Variants in CNOT1 observed in about 807,000 individuals in gnomAD.
The protein encoded by CNOT1 is CCR4-NOT transcription complex subunit 1, also known as CCR4-associated factor 1.
Under a neutral mutation model 273.8 loss-of-function variants are expected in CNOT1, and 15 were observed. The ratio of observed to expected loss-of-function variants is 0.05; its 90% CI spans 0.04 to 0.08. The LOEUF (loss-of-function observed/expected upper bound fraction) is 0.08, where lower values mean the gene tolerates loss of function less well. Ranked by LOEUF, CNOT1 falls within the 10% of genes least tolerant of loss-of-function variation. The probability of loss-of-function intolerance (pLI) is 1.00; values close to 1 mark genes in which losing one functional copy is unlikely to be tolerated. For synonymous variants in CNOT1, 1,022 were observed against 1,005.5 expected (o/e 1.02, Z -0.31); for missense variants, 1,644 against 2,912.2 (o/e 0.56, Z 10.02).
rs1255969268 is a variant in CNOT1 at position 58,599,376 on chromosome 16, A to G, written c.-39T>C. On this transcript the variant is annotated 5_prime_UTR_variant, in exon 2 of 49. Coordinates refer to ENST00000317147, the MANE Select transcript of CNOT1 (RefSeq NM_016284.5). ...GGAAGCAGGCGGCCGAGCCCGGCGC[A>G]AAATCACCATTATTCCCCTTTAGTC... 1 of 1,613,620 alleles carries G rather than the reference A, an allele frequency of 6.2e-7. No individual in the cohort carries two copies. Among genetic ancestry groups the G allele is most frequent in the Admixed American group, 1.7e-5 (1 of 59,988 alleles).
chr16:58,573,566 T>TGC (rs776109030), intron 16 of CNOT1, among the ~76,000 whole-genome samples: 51 of 149,402 alleles, frequency 3.4e-4, no homozygotes, highest in Non-Finnish European at 6.8e-4. Context: ...CTACAAGCTC[T>TGC]GCCTCCTGGG....
chr16:58,593,610 T>C (rs991033652), intron 2 of CNOT1, among the ~76,000 whole-genome samples: 1 of 150,432 alleles, frequency 6.6e-6, no homozygotes, highest in African/African-American at 2.4e-5. Flanking sequence ...AGCACATGCC[T>C]GTAGTCCTAA....
In CNOT1 at chr16:58,537,872, C is replaced by CA; in HGVS notation, c.5414+18dup. 6.2e-7 allele frequency: 1 copy of CA among 1,612,856 alleles called. No individual in the cohort carries two copies. The highest frequency in any genetic ancestry group is 8.5e-7 in the Non-Finnish European group (1 of 1,178,862). On this transcript the variant is annotated intron_variant, in intron 38 of 48. Coordinates refer to ENST00000317147, the MANE Select transcript of CNOT1 (RefSeq NM_016284.5). ...AAGACTACTAAATGCACAGGGATCTCAAAGCATTTCATCCTCACCCTTCTG... is the reference window on the plus strand; with the variant it reads ...AAGACTACTAAATGCACAGGGATCTCAAAAGCATTTCATCCTCACCCTTCTG...
intron 1 of CNOT1, among the ~76,000 whole-genome samples, chr16:58,605,807 C>T (rs144428605): frequency 6.6e-6 from 1 of 152,086 alleles, no homozygotes; most frequent in South Asian, 2.1e-4. Context: ...TACAAGCGCC[C>T]GCTGCCACAC....
chr16:58,529,367 G>A (rs1161952493), intron 43 of CNOT1, among the ~76,000 whole-genome samples: 1 of 152,140 alleles, frequency 6.6e-6, no homozygotes, highest in Non-Finnish European at 1.5e-5. Context: ...GAGTAAAAGG[G>A]CAAGCTGTGA....
At chr16:58,540,463 C>A (rs2040058686) in intron 34 of CNOT1, among the ~76,000 whole-genome samples, 2 of 152,160 alleles carry the variant, frequency 1.3e-5, no homozygotes, top group African/African-American at 4.8e-5. Context: ...CAAATCAAGT[C>A]ATTTAGAAAA....
chr16:58,564,547 A>G (rs2040972920), intron 16 of CNOT1, among the ~76,000 whole-genome samples: 2 of 152,244 alleles, frequency 1.3e-5, no homozygotes, highest in African/African-American at 2.4e-5. Context: ...CCAATGAGAC[A>G]CATCATTTCA....
intron 1 of CNOT1, among the ~76,000 whole-genome samples, chr16:58,621,134 G>A (rs1358628722): frequency 6.6e-6 from 1 of 151,820 alleles, no homozygotes; most frequent in East Asian, 1.9e-4. Flanking sequence ...CTCAAGTTTT[G>A]TATTTTTAGC....
intron 1 of CNOT1, among the ~76,000 whole-genome samples, chr16:58,617,033 A>G (rs573405609): frequency 1.3e-5 from 2 of 152,238 alleles, no homozygotes; most frequent in Non-Finnish European, 2.9e-5. Flanking sequence ...CAGAAGAGTT[A>G]CTGGCATTCA....
At chr16:58,582,284 T>A (rs1199904506) in intron 10 of CNOT1, among the ~76,000 whole-genome samples, 3 of 151,970 alleles carry the variant, frequency 2.0e-5, no homozygotes, top group Non-Finnish European at 4.4e-5. Flanking sequence ...AGAGTGAGAC[T>A]CCGTCTAAAA....
intron 1 of CNOT1, among the ~76,000 whole-genome samples, chr16:58,620,620 G>A (rs1264625036): frequency 7.2e-6 from 1 of 139,208 alleles, no homozygotes; most frequent in Non-Finnish European, 1.5e-5. Context: ...CTACATTCCA[G>A]CCTGGGTGAC....
intron 16 of CNOT1, among the ~76,000 whole-genome samples, chr16:58,566,548 T>G (rs1333886595): frequency 6.6e-6 from 1 of 152,236 alleles, no homozygotes; most frequent in African/African-American, 2.4e-5. Flanking sequence ...AGGTTACACT[T>G]TAGAACTTGA....
Position 58,547,787 on chromosome 16 carries a change from T to C in CNOT1, c.3523-105A>G, listed in dbSNP as rs1466330450. ...ATCCTATCCTAAAGACAAGTCATCA[T>C]TTCTAAGAACAGGCCCCAAAGTAGA... On this transcript the variant is annotated intron_variant, in intron 25 of 48. Transcript: ENST00000317147. This position sits in a 1 kb window ranked among gnomAD's most constrained non-coding sequence, Gnocchi z 4.0. 2 of 1,138,616 alleles carry C rather than the reference T, an allele frequency of 1.8e-6. No individual in the cohort carries two copies. Among genetic ancestry groups the C allele is most frequent in the East Asian group, 2.6e-5 (1 of 38,470 alleles). 70.5% of individuals were successfully genotyped at this position (1,138,616 alleles called of 1,614,324 possible).
In CNOT1 at chr16:58,520,853, A is replaced by C. The variant is rs2039342689; in HGVS notation, c.*105T>G. 4.2e-6 allele frequency: 5 copies of C among 1,191,952 alleles called. No individual in the cohort carries two copies. Among genetic ancestry groups the C allele is most frequent in the Non-Finnish European group, 6.1e-6 (5 of 817,606 alleles). 73.8% of individuals were successfully genotyped at this position (1,191,952 alleles called of 1,614,324 possible). A position where few individuals can be genotyped will look rare whatever the true frequency, so the allele number is the denominator to read the frequency against. On this transcript the variant is annotated 3_prime_UTR_variant, in exon 49 of 49. Coordinates refer to ENST00000317147, the MANE Select transcript of CNOT1 (RefSeq NM_016284.5). ...GTTGGGGCAGATACCCACAAACCAA[A>C]GGGCTGGGAAAGTCAGGAAGAGCTG...
chr16:58,565,939 C>A (rs1427103140), intron 16 of CNOT1, among the ~76,000 whole-genome samples: 84 of 144,788 alleles, frequency 5.8e-4, no homozygotes, highest in Middle Eastern at 3.7e-3. Flanking sequence ...GACCCTGCCT[C>A]AAAAAAAAAA....
intron 22 of CNOT1, among the ~76,000 whole-genome samples, chr16:58,552,177 AAAAAACAAAAC>A (rs1366340696): frequency 1.3e-5 from 2 of 152,160 alleles, no homozygotes; most frequent in Admixed American, 1.3e-4. Flanking sequence ...CAAAGGCCTT[AAAAAACAAAAC>A]AAAAACCATG....
At chr16:58,525,154 C>T (rs375690521) in intron 46 of CNOT1, 25 bp downstream of exon 46, 5 of 1,610,022 alleles carry the variant, frequency 3.1e-6, no homozygotes, top group African/African-American at 2.7e-5. Flanking sequence ...GAACTCTACT[C>T]TGAAAACTGG....
intron 44 of CNOT1, among the ~76,000 whole-genome samples, chr16:58,527,551 A>T (rs1046066323): frequency 3.3e-5 from 5 of 152,030 alleles, no homozygotes; most frequent in African/African-American, 4.8e-5. Flanking sequence ...AAATACAAAT[A>T]AATAATAATA....
intron 1 of CNOT1, among the ~76,000 whole-genome samples, chr16:58,610,898 G>T (rs376733616): frequency 6.6e-6 from 1 of 152,010 alleles, no homozygotes; most frequent in African/African-American, 2.4e-5. Flanking sequence ...TCAGCCGGGC[G>T]TGGTGGCAGG....
Sources: allele counts gnomAD v4.1 joint callset (sites outside exome capture counted in the v4.1 genomes callset), GRCh38; gene constraint gnomAD v4.1.1; non-coding constraint Gnocchi (gnomAD v3.1); transcripts MANE v1.5; gene names NCBI Gene and HGNC (gene_info 2026-07-23, HGNC 2026-07-21).